WDFY2: variants seen among roughly 807,000 people sequenced by gnomAD.
WDFY2 encodes WD repeat and FYVE domain-containing protein 2.
A neutral mutation model predicts 56.4 loss-of-function variants in WDFY2; 36 were observed. The ratio of observed to expected loss-of-function variants is 0.64; its 90% CI spans 0.49 to 0.84. The LOEUF is 0.84. Among genes scored for constraint, WDFY2 ranks in the 40% least tolerant of loss-of-function variants. WDFY2 has a pLI of 0.00. For missense variants in WDFY2, 444 were observed against 512.2 expected (o/e 0.87, Z 1.29); for synonymous variants, 176 against 183.7 (o/e 0.96, Z 0.34).
chr13:51,711,152 G>T (rs917569144), intron 4 of WDFY2, among the ~76,000 whole-genome samples: 9 of 152,144 alleles, frequency 5.9e-5, no homozygotes, highest in African/African-American at 1.9e-4. Flanking sequence ...ACAACCATCT[G>T]ATCTTTGACA....
intron 1 of WDFY2, among the ~76,000 whole-genome samples, chr13:51,653,648 T>C (rs1374831644): frequency 1.3e-5 from 2 of 152,236 alleles, no homozygotes; most frequent in African/African-American, 2.4e-5. Flanking sequence ...GCTGCGGGTC[T>C]GTTGGAGTTT....
chr13:51,618,069 A>G (rs1308617450), intron 1 of WDFY2, among the ~76,000 whole-genome samples: 2 of 152,232 alleles, frequency 1.3e-5, no homozygotes, highest in African/African-American at 4.8e-5. Context: ...CAAATTTGAG[A>G]TACCTGTTAA....
intron 6 of WDFY2, among the ~76,000 whole-genome samples, chr13:51,734,289 A>G (rs1248521078): frequency 6.6e-6 from 1 of 152,190 alleles, no homozygotes; most frequent in Non-Finnish European, 1.5e-5. Context: ...AAAAATCTTT[A>G]TACTCTCTGA....
intron 2 of WDFY2, among the ~76,000 whole-genome samples, chr13:51,665,517 A>G (rs949008318): frequency 6.6e-6 from 1 of 152,236 alleles, no homozygotes; most frequent in African/African-American, 2.4e-5. Flanking sequence ...GATTTATTTC[A>G]TATTTACTTT....
At chr13:51,702,963 G>A (rs1463060305) in intron 3 of WDFY2, among the ~76,000 whole-genome samples, 5 of 152,178 alleles carry the variant, frequency 3.3e-5, no homozygotes, top group Admixed American at 1.3e-4. Context: ...AGACACTTAT[G>A]TGTCCCCACC....
intron 4 of WDFY2, among the ~76,000 whole-genome samples, chr13:51,707,501 T>C (rs1378777470): frequency 3.9e-5 from 6 of 152,166 alleles, no homozygotes; most frequent in South Asian, 2.1e-4. Flanking sequence ...CAACATAGAA[T>C]TATATACCCA....
intron 3 of WDFY2, among the ~76,000 whole-genome samples, chr13:51,692,441 A>G (rs948057120): frequency 5.3e-5 from 8 of 152,208 alleles, no homozygotes; most frequent in African/African-American, 1.7e-4. Context: ...TTCTGCATCT[A>G]TTGAGATAAT....
intron 3 of WDFY2, among the ~76,000 whole-genome samples, chr13:51,699,142 A>G (rs1232092346): frequency 6.6e-6 from 1 of 152,214 alleles, no homozygotes; most frequent in South Asian, 2.1e-4. Flanking sequence ...CAGCTCTGCA[A>G]GGCCACAGAT....
At chr13:51,697,806 C>A (rs1951906764) in intron 3 of WDFY2, among the ~76,000 whole-genome samples, 1 of 152,162 alleles carries the variant, frequency 6.6e-6, no homozygotes, top group East Asian at 1.9e-4. Context: ...TACAAAACAT[C>A]ATCAGTAGTA....
chr13:51,764,588 C>T lies in WDFY2; in HGVS notation c.*4819C>T, dbSNP rs527548993. 2 of 152,510 alleles carry T rather than the reference C, an allele frequency of 1.3e-5. No individual in the cohort carries two copies. Among genetic ancestry groups the T allele is most frequent in the Admixed American group, 1.3e-4 (2 of 15,296 alleles). The allele number at this position is 152,510 out of a possible 1,614,324, so 9.4% of individuals were successfully genotyped here. ...CGTCACTATCAGATGCTGCTGCTCC[C>T]TGGCCTCAGAGGAAAGCAGCACACA... is the stretch of plus-strand genomic sequence containing the variant. On this transcript the variant is annotated 3_prime_UTR_variant, in exon 12 of 12. Transcript: ENST00000298125.
intron 3 of WDFY2, among the ~76,000 whole-genome samples, chr13:51,678,906 A>G (rs115758674): frequency 0.015 from 2,329 of 152,272 alleles, 49 homozygotes; most frequent in African/African-American, 0.05. Flanking sequence ...CAGCTCCCTG[A>G]ATACGAACTG....
chr13:51,624,168 TGCTG>T (rs771451914), intron 1 of WDFY2, among the ~76,000 whole-genome samples: 29 of 152,244 alleles, frequency 1.9e-4, no homozygotes, highest in Non-Finnish European at 3.1e-4. Flanking sequence ...GACAGATTAC[TGCTG>T]GATTCTGATA....
At chr13:51,677,619 C>T (rs776163818) in intron 3 of WDFY2, among the ~76,000 whole-genome samples, 51 of 152,126 alleles carry the variant, frequency 3.4e-4, no homozygotes, top group Non-Finnish European at 8.8e-5. Flanking sequence ...CATTATTTCA[C>T]TTTATTTTAC....
chr13:51,752,475 C>T (rs529569012), intron 8 of WDFY2, among the ~76,000 whole-genome samples: 4 of 152,292 alleles, frequency 2.6e-5, no homozygotes, highest in African/African-American at 7.2e-5. Flanking sequence ...GGGTTCTGCA[C>T]GGTAGCCTGC....
chr13:51,611,924 T>G (rs1177423041), intron 1 of WDFY2, among the ~76,000 whole-genome samples: 1 of 152,082 alleles, frequency 6.6e-6, no homozygotes, highest in Non-Finnish European at 1.5e-5. Context: ...CATGCGCACA[T>G]AAGGAAAGGT....
intron 1 of WDFY2, among the ~76,000 whole-genome samples, chr13:51,596,924 G>A (rs1954162413): frequency 6.6e-6 from 1 of 152,158 alleles, no homozygotes; most frequent in South Asian, 2.1e-4. Flanking sequence ...CTTTAAGTTG[G>A]AATTATTTTA....
At chr13:51,593,329 G>A (rs1954086491) in intron 1 of WDFY2, among the ~76,000 whole-genome samples, 1 of 151,906 alleles carries the variant, frequency 6.6e-6, no homozygotes, top group African/African-American at 2.4e-5. Flanking sequence ...TCTCCCTATT[G>A]TTTATTTACA....
At chr13:51,639,916 G>T (rs1368819583) in intron 1 of WDFY2, among the ~76,000 whole-genome samples, 2 of 152,118 alleles carry the variant, frequency 1.3e-5, no homozygotes, top group Non-Finnish European at 2.9e-5. Flanking sequence ...TGACATGAGA[G>T]CTTTTAAAAA....
intron 3 of WDFY2, among the ~76,000 whole-genome samples, chr13:51,696,337 A>G (rs752952514): frequency 7.2e-5 from 11 of 152,142 alleles, no homozygotes; most frequent in Non-Finnish European, 1.6e-4. Context: ...CCCCAATCAA[A>G]ATTGTAAATG....
Sources: gnomAD v4.1 joint callset for allele counts (sites outside exome capture counted in the v4.1 genomes callset) on GRCh38, gnomAD v4.1.1 for gene constraint, MANE v1.5 for transcripts, NCBI Gene and HGNC (gene_info 2026-07-23, HGNC 2026-07-21) for gene names.